NCK2: variants seen among roughly 807,000 people sequenced by gnomAD.
NCK2 encodes cytoplasmic protein NCK2.
NCK2 carries 16 observed loss-of-function variants against 33.9 expected under a neutral mutation model. The ratio of observed to expected loss-of-function variants is 0.47; its 90% CI spans 0.32 to 0.72. NCK2 has a LOEUF of 0.72. NCK2 is among the 30% of genes least tolerant of loss of function. The pLI, the probability that NCK2 is intolerant of heterozygous loss-of-function variation, is 0.03. For synonymous variants in NCK2, 273 were observed against 239.9 expected (o/e 1.14, Z -1.27); for missense variants, 418 against 537.3 (o/e 0.78, Z 2.19).
intron 2 of NCK2, among the ~76,000 whole-genome samples, chr2:105,839,071 A>G (rs1192072664): frequency 6.6e-6 from 1 of 152,122 alleles, no homozygotes; most frequent in Admixed American, 6.6e-5. Flanking sequence ...AGGCAGGGAG[A>G]GCAAGGGAGG....
At chr2:105,862,632 A>G (rs192467612) in intron 3 of NCK2, among the ~76,000 whole-genome samples, 124 of 152,352 alleles carry the variant, frequency 8.1e-4, no homozygotes, top group Non-Finnish European at 1.4e-3. Flanking sequence ...GGGAGTAACT[A>G]GCAAGCCTTG....
intron 1 of NCK2, among the ~76,000 whole-genome samples, chr2:105,750,329 T>G (rs1430275900): frequency 6.6e-6 from 1 of 152,126 alleles, no homozygotes; most frequent in Non-Finnish European, 1.5e-5. Flanking sequence ...TTTTTAACCT[T>G]ATTTATGACC....
At chr2:105,841,272 C>T (rs1676634104) in intron 2 of NCK2, among the ~76,000 whole-genome samples, 1 of 151,950 alleles carries the variant, frequency 6.6e-6, no homozygotes, top group African/African-American at 2.4e-5. Context: ...ACTTGAAAAC[C>T]TCTTTGGAAA....
chr2:105,823,969 C>G (rs190782994), intron 2 of NCK2, among the ~76,000 whole-genome samples: 2 of 152,220 alleles, frequency 1.3e-5, no homozygotes, highest in East Asian at 3.9e-4. Context: ...GGAGCAGTCC[C>G]TGGCCGGCGT....
Position 105,881,897 on chromosome 2 carries a change from G to A in NCK2, c.796G>A (p.Ala266Thr), listed in dbSNP as rs763482146. The stretch of plus-strand genomic sequence containing the variant: ...CGGGCCTGCCCTGCACCCTGCGCAC[G>A]CCCCACAGATAAGCTACACCGGGCC... ...SDGPALHPAH[A>T]PQISYTGPSS... The change falls in exon 4 of 5, where the codon GCC becomes ACC. Residue 266 changes from alanine to threonine, a missense_variant. Coordinates refer to ENST00000233154, the MANE Select transcript of NCK2 (RefSeq NM_003581.5). The A allele has an allele frequency of 3.2e-6, 5 of 1,569,304 alleles. No homozygotes were observed. In the African/African-American group the frequency reaches 4.1e-5, roughly 13 times the overall value.
At chr2:105,870,003 G>C in intron 3 of NCK2, among the ~76,000 whole-genome samples, 1 of 152,100 alleles carries the variant, frequency 6.6e-6, no homozygotes, top group African/African-American at 2.4e-5. Context: ...TGGAAAGTCA[G>C]GTTCAGAGCC....
rs1243446204 is a variant in NCK2 at position 105,862,617 on chromosome 2, A to G, written c.226+7328A>G. On this transcript the variant is annotated intron_variant, in intron 3 of 4. Transcript: ENST00000233154. ...AAGTTCTTTGTTTTAGAAATGAGAAACCTCGGGAGTAACTAGCAAGCCTTG... is the reference window on the plus strand; with the variant it reads ...AAGTTCTTTGTTTTAGAAATGAGAAGCCTCGGGAGTAACTAGCAAGCCTTG... Among the ~76,000 whole-genome samples, 7 of 152,278 alleles carry G rather than the reference A, an allele frequency of 4.6e-5. No homozygotes were observed. In the South Asian group the frequency reaches 1.2e-3, roughly 27 times the overall value.
intron 1 of NCK2, among the ~76,000 whole-genome samples, chr2:105,765,821 G>GTC (rs1222057998): frequency 1.3e-5 from 2 of 151,308 alleles, no homozygotes; most frequent in African/African-American, 4.9e-5. Flanking sequence ...GTGTGTCTGT[G>GTC]TGTGTGTGTG....
chr2:105,859,965 T>C (rs1173745068), intron 3 of NCK2, among the ~76,000 whole-genome samples: 2 of 152,142 alleles, frequency 1.3e-5, no homozygotes, highest in Non-Finnish European at 2.9e-5. Context: ...TTTTAAGAAA[T>C]TTATTTTAGA....
intron 4 of NCK2, 63 bp from the exon 5 acceptor site, chr2:105,892,919 G>A (rs1353386262): frequency 7.2e-7 from 1 of 1,386,736 alleles, no homozygotes; most frequent in Non-Finnish European, 9.9e-7. Context: ...AAGAGATGTG[G>A]ATGGATTTAG....
At position 105,788,188 on chromosome 2, in the gene NCK2, C is replaced by T. The variant is rs148812245; in HGVS notation, c.-200-28242C>T. 6.3e-3 allele frequency among the ~76,000 whole-genome samples: 958 copies of T among 152,270 alleles called. 18 individuals are homozygous for T. Among genetic ancestry groups the T allele is most frequent in the African/African-American group, 0.022 (903 of 41,546 alleles). ...GCCAATTCTAGATAAGTTTTTTCAT[C>T]AGCTATGTGAATTGGAGACAAAAGT... On this transcript the variant is annotated intron_variant, in intron 1 of 4. Coordinates refer to ENST00000233154, the MANE Select transcript of NCK2 (RefSeq NM_003581.5).
chr2:105,810,108 G>A (rs1273968653), intron 1 of NCK2, among the ~76,000 whole-genome samples: 1 of 152,214 alleles, frequency 6.6e-6, no homozygotes, highest in African/African-American at 2.4e-5. Context: ...CTTAGCAGAG[G>A]ATGCAGTGAT....
At chr2:105,835,411 A>ATATATATATATATATATATATACATACG (rs2104535794) in intron 2 of NCK2, among the ~76,000 whole-genome samples, 1 of 121,932 alleles carries the variant, frequency 8.2e-6, no homozygotes, top group South Asian at 2.7e-4. Context: ...ATATACGTGT[A>ATATATATATATATATATATATACATACG]TATATATATA....
At chr2:105,764,629 G>A (rs1159106334) in intron 1 of NCK2, among the ~76,000 whole-genome samples, 4 of 152,216 alleles carry the variant, frequency 2.6e-5, no homozygotes, top group Non-Finnish European at 4.4e-5. Flanking sequence ...TGGAGACCTA[G>A]ATTCCTGAGA....
chr2:105,880,074 A>G (rs947587679), intron 3 of NCK2, among the ~76,000 whole-genome samples: 2 of 152,180 alleles, frequency 1.3e-5, no homozygotes, highest in Non-Finnish European at 2.9e-5. Flanking sequence ...AATTCCGTGC[A>G]TTTTAACACA....
intron 1 of NCK2, among the ~76,000 whole-genome samples, chr2:105,809,920 G>A (rs1022420534): frequency 6.6e-6 from 1 of 152,158 alleles, no homozygotes; most frequent in Admixed American, 6.5e-5. Context: ...CCAACACTGA[G>A]GGGGAGAGGG....
At position 105,893,229 on chromosome 2, in the gene NCK2, C is replaced by T; in HGVS notation, c.*53C>T. Reference sequence around the variant, plus strand: ...CGGGCCCCACGGTGGAGCTGCCCGCCCGGCCTTGTGGCAGAGGCTCCTCCC... The same window carrying T: ...CGGGCCCCACGGTGGAGCTGCCCGCTCGGCCTTGTGGCAGAGGCTCCTCCC... On this transcript the variant is annotated 3_prime_UTR_variant, in exon 5 of 5. Transcript: ENST00000233154. 5 of 1,501,288 alleles carry T rather than the reference C, an allele frequency of 3.3e-6. No homozygotes were observed. The highest frequency in any genetic ancestry group is 4.5e-6 in the Non-Finnish European group (5 of 1,118,450). The allele number at this position is 1,501,288 out of a possible 1,614,324, so 93.0% of individuals were successfully genotyped here.
At chr2:105,800,409 G>T (rs1386777580) in intron 1 of NCK2, among the ~76,000 whole-genome samples, 1 of 152,202 alleles carries the variant, frequency 6.6e-6, no homozygotes, top group Non-Finnish European at 1.5e-5. Context: ...GTAAATGATT[G>T]CCATTAGCAT....
At chr2:105,784,792 C>G (rs1387850707) in intron 1 of NCK2, among the ~76,000 whole-genome samples, 1 of 152,236 alleles carries the variant, frequency 6.6e-6, no homozygotes, top group African/African-American at 2.4e-5. Context: ...GTTTCCCACA[C>G]TTCCCATTTC....
Sources: gnomAD v4.1 joint callset for allele counts (sites outside exome capture counted in the v4.1 genomes callset) on GRCh38, gnomAD v4.1.1 for gene constraint, MANE v1.5 for transcripts, NCBI Gene and HGNC (gene_info 2026-07-23, HGNC 2026-07-21) for gene names.